MRAP2: variants seen among roughly 807,000 people sequenced by gnomAD.
MRAP2 encodes melanocortin 2 receptor accessory protein 2.
Under a neutral mutation model 17.4 loss-of-function variants are expected in MRAP2, and 20 were observed. That is an observed-to-expected ratio of 1.15 (90% CI 0.81 to 1.67). The LOEUF is 1.67. MRAP2 is among the 40% of genes most tolerant of loss of function. The pLI is 0.00. For synonymous variants in MRAP2, 96 were observed against 88.4 expected (o/e 1.09, Z -0.48); for missense variants, 238 against 240.0 (o/e 0.99, Z 0.05).
intron 2 of MRAP2, chr6:84,061,844 A>G: frequency 3.0e-6 from 3 of 985,468 alleles, no homozygotes; most frequent in Non-Finnish European, 3.6e-6. Flanking sequence ...CATTGTATAA[A>G]GTGCTTTATG....
At chr6:84,123,486 CT>C in the MRAP2 span, among the ~76,000 whole-genome samples, 2 of 152,084 alleles carry the variant, frequency 1.3e-5, no homozygotes. Flanking sequence ...AAAGGACACC[CT>C]ACTCAATAAA....
chr6:84,040,374 A>T (rs2099487212), intron 1 of MRAP2, among the ~76,000 whole-genome samples: 1 of 152,180 alleles, frequency 6.6e-6, no homozygotes, highest in Non-Finnish European at 1.5e-5. Flanking sequence ...GACTAACACC[A>T]TAAATTGGTA....
At position 84,055,510 on chromosome 6, in the gene MRAP2, A is replaced by G. The variant is rs184390654; in HGVS notation, c.127+65A>G. ...TTTCTCTTAACCTGTGAAATCCCCA[A>G]GGATTACTTCTCCTGAGCATTCTTT... On this transcript the variant is annotated intron_variant, in intron 2 of 3. Transcript: ENST00000257776. 7.2e-5 allele frequency: 107 copies of G among 1,493,428 alleles called. No individual in the cohort carries two copies. The African/African-American group carries it at 1.4e-3, about 20-fold the overall frequency. 92.5% of individuals were successfully genotyped at this position (1,493,428 alleles called of 1,614,324 possible). A position where few individuals can be genotyped will look rare whatever the true frequency, so the allele number is the denominator to read the frequency against.
chr6:84,062,892 G>A lies in MRAP2; in HGVS notation c.128-1G>A, dbSNP rs1180535471. 5 of 1,614,028 alleles carry A rather than the reference G, an allele frequency of 3.1e-6. No individual in the cohort carries two copies. The African/African-American group carries it at 4.0e-5, about 13-fold the overall frequency. ...TAATCCCAGAATTAACTGTCTTTCA[G>A]ATTCCATTGTGATTGGATTTTGGGT... On this transcript the variant is annotated splice_acceptor_variant, in intron 2 of 3. Coordinates refer to ENST00000257776, the MANE Select transcript of MRAP2 (RefSeq NM_138409.4). LOFTEE classifies it high-confidence loss of function.
intron 1 of MRAP2, among the ~76,000 whole-genome samples, chr6:84,052,264 A>G (rs1191828482): frequency 6.6e-6 from 1 of 152,132 alleles, no homozygotes. Flanking sequence ...TGTGTTCAAG[A>G]GAGAGCAGCT....
chr6:84,071,316 CTG>C (rs2099496134), intron 3 of MRAP2, among the ~76,000 whole-genome samples: 1 of 152,154 alleles, frequency 6.6e-6, no homozygotes, highest in Non-Finnish European at 1.5e-5. Context: ...CTGAAAAAGA[CTG>C]TATCTTTCCT....
the MRAP2 span, among the ~76,000 whole-genome samples, chr6:84,103,122 A>C: frequency 1.3e-5 from 2 of 152,212 alleles, no homozygotes; most frequent in African/African-American, 4.8e-5. Flanking sequence ...ATGATGAAAC[A>C]TAGTGAGTAG....
At chr6:84,122,855 A>T in the MRAP2 span, among the ~76,000 whole-genome samples, 3 of 152,154 alleles carry the variant, frequency 2.0e-5, no homozygotes, top group Non-Finnish European at 4.4e-5. Flanking sequence ...GAAGACTCGT[A>T]GACTTGACAA....
the MRAP2 span, among the ~76,000 whole-genome samples, chr6:84,113,823 T>G: frequency 6.6e-6 from 1 of 152,230 alleles, no homozygotes. Context: ...GTAAAGGATT[T>G]CATTTCTCTT....
At chr6:84,057,074 T>C (rs2099491877) in intron 2 of MRAP2, among the ~76,000 whole-genome samples, 1 of 152,202 alleles carries the variant, frequency 6.6e-6, no homozygotes. Context: ...ATAAGAGAGC[T>C]GATAAGTAGC....
chr6:84,102,210 AT>A, the MRAP2 span, among the ~76,000 whole-genome samples: 1 of 152,172 alleles, frequency 6.6e-6, no homozygotes, highest in African/African-American at 2.4e-5. Context: ...TGTAGACAAA[AT>A]AATGCTACCC....
chr6:84,124,714 C>T, the MRAP2 span: 1 of 277,896 alleles, frequency 3.6e-6, no homozygotes, highest in Non-Finnish European at 6.8e-6. Flanking sequence ...GCACATGTAC[C>T]CCCTGGATCT....
At chr6:84,122,999 G>A in the MRAP2 span, among the ~76,000 whole-genome samples, 625 of 150,628 alleles carry the variant, frequency 4.1e-3, 4 homozygotes, top group African/African-American at 0.014. Flanking sequence ...ACACACACAC[G>A]CACACACACA....
chr6:84,129,411 GT>G, the MRAP2 span, among the ~76,000 whole-genome samples: 1 of 152,128 alleles, frequency 6.6e-6, no homozygotes, highest in African/African-American at 2.4e-5. Flanking sequence ...TCTCATTGTG[GT>G]TTTGATTTGC....
At chr6:84,034,773 C>T (rs2129154842) in intron 1 of MRAP2, among the ~76,000 whole-genome samples, 1 of 152,086 alleles carries the variant, frequency 6.6e-6, no homozygotes, top group Middle Eastern at 3.4e-3. Context: ...CTTACGAAAA[C>T]CCCAAAAGTA....
chr6:84,037,837 C>T (rs952134424), intron 1 of MRAP2, among the ~76,000 whole-genome samples: 2 of 152,102 alleles, frequency 1.3e-5, no homozygotes, highest in Non-Finnish European at 1.5e-5. Flanking sequence ...CACACCTCCC[C>T]GCAAGCAGAG....
chr6:84,089,159 A>AGCCAGATAAAGTATTTTCTC lies in MRAP2; in HGVS notation c.301_320dup (p.Gly108IlefsTer58). The AGCCAGATAAAGTATTTTCTC allele has an allele frequency of 6.2e-7, 1 of 1,614,162 alleles. No homozygotes were observed. Among genetic ancestry groups the AGCCAGATAAAGTATTTTCTC allele is most frequent in the East Asian group, 2.2e-5 (1 of 44,888 alleles). ...GTGTCAGACTTTGGAAGACCTCTGGAGCCAGATAAAGTATTTTCTCGCCAA... is the reference window on the plus strand; with the variant it reads ...GTGTCAGACTTTGGAAGACCTCTGGAGCCAGATAAAGTATTTTCTCGCCAGATAAAGTATTTTCTCGCCAA... On this transcript the variant is annotated frameshift_variant, in exon 4 of 4. Coordinates refer to ENST00000257776, the MANE Select transcript of MRAP2 (RefSeq NM_138409.4). LOFTEE classifies it high-confidence loss of function.
At chr6:84,086,564 A>G (rs1401164805) in intron 3 of MRAP2, among the ~76,000 whole-genome samples, 1 of 152,224 alleles carries the variant, frequency 6.6e-6, no homozygotes, top group Non-Finnish European at 1.5e-5. Context: ...ATAAAAGTCA[A>G]GTATATTGAG....
At chr6:84,047,295 A>G (rs2129161157) in intron 1 of MRAP2, among the ~76,000 whole-genome samples, 1 of 152,124 alleles carries the variant, frequency 6.6e-6, no homozygotes, top group African/African-American at 2.4e-5. Context: ...GGTTCAAGCA[A>G]TTCTTGTGCC....
Sources: allele counts gnomAD v4.1 joint callset (sites outside exome capture counted in the v4.1 genomes callset), GRCh38; gene constraint gnomAD v4.1.1; transcripts MANE v1.5; gene names NCBI Gene and HGNC (gene_info 2026-07-23, HGNC 2026-07-21).